SLC22A3: variants seen among roughly 807,000 people sequenced by gnomAD.
SLC22A3 encodes the protein EMT organic cation transporter 3.
Under a neutral mutation model 59.1 loss-of-function variants are expected in SLC22A3, and 51 were observed. That is an observed-to-expected ratio of 0.86 (90% CI 0.69 to 1.09). SLC22A3 has a LOEUF of 1.09. Ranked by LOEUF, SLC22A3 falls within the 50% of genes least tolerant of loss-of-function variation. SLC22A3 has a pLI of 0.00. For synonymous variants in SLC22A3, 325 were observed against 292.0 expected (o/e 1.11, Z -1.15); for missense variants, 711 against 726.3 (o/e 0.98, Z 0.24).
intron 1 of SLC22A3, among the ~76,000 whole-genome samples, chr6:160,389,193 A>C (rs1328943614): frequency 6.6e-6 from 1 of 152,200 alleles, no homozygotes; most frequent in Non-Finnish European, 1.5e-5. Context: ...TTGATTAAAA[A>C]GTTGTGTGAC....
At chr6:160,349,116 C>A (rs1784575971) in intron 1 of SLC22A3, 2 of 974,964 alleles carry the variant, frequency 2.1e-6, no homozygotes, top group South Asian at 9.5e-5. Flanking sequence ...TCTTCGAAGC[C>A]GAGTTGTAAA....
At chr6:160,349,996 C>T (rs536819983) in intron 1 of SLC22A3, among the ~76,000 whole-genome samples, 2 of 152,126 alleles carry the variant, frequency 1.3e-5, no homozygotes, top group African/African-American at 2.4e-5. Flanking sequence ...GAGCTTATCT[C>T]GCTGCAGTTG....
Position 160,364,279 on chromosome 6 carries a change from T to A in SLC22A3, c.429+15431T>A, listed in dbSNP as rs139268300. 1.7e-4 allele frequency among the ~76,000 whole-genome samples: 26 copies of A among 152,348 alleles called. No homozygotes were observed. The East Asian group carries it at 4.2e-3, about 25-fold the overall frequency. On this transcript the variant is annotated intron_variant, in intron 1 of 10. Coordinates refer to ENST00000275300, the MANE Select transcript of SLC22A3 (RefSeq NM_021977.4). ...AGATGGGTTGTTGGAAGGTAAAGAC[T>A]GGCTGCATAGGGGCCCTAAAGGTGA...
intron 3 of SLC22A3, 44 bp from the exon 4 acceptor site, chr6:160,408,709 C>G: frequency 8.2e-6 from 13 of 1,594,394 alleles, no homozygotes; most frequent in South Asian, 1.1e-5. Flanking sequence ...TATTTTGGAG[C>G]TGACCTTGTG....
chr6:160,438,092 C>T (rs911574687), intron 7 of SLC22A3, among the ~76,000 whole-genome samples: 1 of 152,092 alleles, frequency 6.6e-6, no homozygotes, highest in African/African-American at 2.4e-5. Flanking sequence ...ACAATTGGGG[C>T]AGTCAGACCT....
At chr6:160,407,900 TG>T (rs1482422342) in intron 3 of SLC22A3, among the ~76,000 whole-genome samples, 1 of 152,288 alleles carries the variant, frequency 6.6e-6, no homozygotes, top group Non-Finnish European at 1.5e-5. Context: ...TGCAGATCTT[TG>T]CACTTCCACT....
At chr6:160,425,332 C>T (rs1787909550) in intron 5 of SLC22A3, among the ~76,000 whole-genome samples, 2 of 152,178 alleles carry the variant, frequency 1.3e-5, no homozygotes, top group African/African-American at 2.4e-5. Context: ...TATGGGTATA[C>T]ACAATGTAGC....
intron 3 of SLC22A3, 65 bp downstream of exon 3, chr6:160,407,260 T>C: frequency 1.3e-6 from 2 of 1,486,882 alleles, no homozygotes; most frequent in South Asian, 2.7e-5. Flanking sequence ...CAAATGCTAG[T>C]TAATCAACCT....
At chr6:160,391,614 C>A (rs1284933388) in intron 1 of SLC22A3, among the ~76,000 whole-genome samples, 1 of 152,150 alleles carries the variant, frequency 6.6e-6, no homozygotes, top group Non-Finnish European at 1.5e-5. Flanking sequence ...CTCGTCTTTG[C>A]CAAGAGAACC....
intron 1 of SLC22A3, among the ~76,000 whole-genome samples, chr6:160,358,234 T>C (rs1766612087): frequency 6.6e-6 from 1 of 152,186 alleles, no homozygotes; most frequent in African/African-American, 2.4e-5. Context: ...ATTTGAGGGT[T>C]TTTGAGCTCT....
intron 5 of SLC22A3, among the ~76,000 whole-genome samples, chr6:160,412,600 TA>T (rs1209763523): frequency 6.6e-6 from 1 of 152,228 alleles, no homozygotes; most frequent in Non-Finnish European, 1.5e-5. Context: ...ATGATCTTTT[TA>T]AACCACTATG....
chr6:160,415,449 CTA>C lies in SLC22A3; in HGVS notation c.975+4605_975+4606del, dbSNP rs1787446832. Among the ~76,000 whole-genome samples, 2 of 152,180 alleles carry C rather than the reference CTA, an allele frequency of 1.3e-5. No individual in the cohort carries two copies. The highest frequency in any genetic ancestry group is 2.4e-5 in the African/African-American group (1 of 41,450). On this transcript the variant is annotated intron_variant, in intron 5 of 10. Transcript: ENST00000275300. This position sits in a 1 kb window ranked among gnomAD's most constrained non-coding sequence, Gnocchi z 4.1. Reference sequence around the variant, plus strand: ...TGATTCAAATACATACTGTCCGTGTCTATGTTAGGATAGCCTTGAAACTGTAT... The same window carrying C: ...TGATTCAAATACATACTGTCCGTGTCTGTTAGGATAGCCTTGAAACTGTAT...
At chr6:160,434,255 G>C (rs2114909869) in intron 5 of SLC22A3, among the ~76,000 whole-genome samples, 1 of 152,282 alleles carries the variant, frequency 6.6e-6, no homozygotes. Flanking sequence ...TTTAATTAAA[G>C]ATTCAGTTTT....
intron 1 of SLC22A3, among the ~76,000 whole-genome samples, chr6:160,361,600 C>A (rs1785014633): frequency 6.6e-6 from 1 of 152,184 alleles, no homozygotes; most frequent in African/African-American, 2.4e-5. Context: ...AATCCCTACC[C>A]ACTTCATGAG....
intron 1 of SLC22A3, among the ~76,000 whole-genome samples, chr6:160,362,715 T>A (rs1201646197): frequency 6.6e-6 from 1 of 152,156 alleles, no homozygotes; most frequent in South Asian, 2.1e-4. Context: ...GAAGACTGTG[T>A]CCAGGGCATG....
At chr6:160,410,916 C>A in intron 5 of SLC22A3, 70 bp downstream of exon 5, 1 of 836,988 alleles carries the variant, frequency 1.2e-6, no homozygotes, top group Non-Finnish European at 2.0e-6. Flanking sequence ...TTCTTGTGTA[C>A]TTAATGTTGC....
At chr6:160,373,171 C>A (rs1190927810) in intron 1 of SLC22A3, among the ~76,000 whole-genome samples, 1 of 152,148 alleles carries the variant, frequency 6.6e-6, no homozygotes, top group Admixed American at 6.5e-5. Flanking sequence ...ATACTGGTGA[C>A]CTTCAGATGG....
Position 160,415,391 on chromosome 6 carries a change from C to T in SLC22A3, c.975+4545C>T, listed in dbSNP as rs79845352. Among the ~76,000 whole-genome samples the T allele has an allele frequency of 3.9e-5, 6 of 152,258 alleles. No individual in the cohort carries two copies. The East Asian group carries it at 1.2e-3, about 29-fold the overall frequency. On this transcript the variant is annotated intron_variant, in intron 5 of 10. Coordinates refer to ENST00000275300, the MANE Select transcript of SLC22A3 (RefSeq NM_021977.4). The surrounding 1 kb of genome is among the most constrained non-coding windows in gnomAD (Gnocchi z 4.1). Reference sequence around the variant, plus strand: ...TTCCATTATAGGTTTTGTGCAATGACAGGTATGACCAGTATAAATTACTCA... The same window carrying T: ...TTCCATTATAGGTTTTGTGCAATGATAGGTATGACCAGTATAAATTACTCA...
At position 160,451,986 on chromosome 6, in the gene SLC22A3, C is replaced by T. The variant is rs1300893946; in HGVS notation, c.*930C>T. On this transcript the variant is annotated 3_prime_UTR_variant, in exon 11 of 11. Transcript: ENST00000275300. Reference sequence around the variant, plus strand: ...AAAACATGGACAATTCCTATTCATTCTTAGCACTTTGACATGTCTTGGGGA... The same window carrying T: ...AAAACATGGACAATTCCTATTCATTTTTAGCACTTTGACATGTCTTGGGGA... 1.3e-5 allele frequency: 2 copies of T among 152,184 alleles called. No homozygotes were observed. The highest frequency in any genetic ancestry group is 2.9e-5 in the Non-Finnish European group (2 of 68,036). 9.4% of individuals were successfully genotyped at this position (152,184 alleles called of 1,614,324 possible). A position where few individuals can be genotyped will look rare whatever the true frequency, so the allele number is the denominator to read the frequency against.
Sources: gnomAD v4.1 joint callset for allele counts (sites outside exome capture counted in the v4.1 genomes callset) on GRCh38, gnomAD v4.1.1 for gene constraint, Gnocchi (gnomAD v3.1) non-coding constraint, MANE v1.5 for transcripts, NCBI Gene and HGNC (gene_info 2026-07-23, HGNC 2026-07-21) for gene names.